The following ZCCHC14 variants were observed in gnomAD, a reference collection of about 807,000 sequenced individuals.
The protein encoded by ZCCHC14 is zinc finger CCHC domain-containing protein 14.
A neutral mutation model predicts 85.0 loss-of-function variants in ZCCHC14; 16 were observed. That is an observed-to-expected ratio of 0.19 (90% confidence interval 0.13 to 0.29). The LOEUF (loss-of-function observed/expected upper bound fraction) is 0.29. Ranked by LOEUF, ZCCHC14 falls within the 10% of genes least tolerant of loss-of-function variation. ZCCHC14 has a pLI of 1.00. For missense variants in ZCCHC14, 1,303 were observed against 1,443.5 expected (o/e 0.90, Z 1.58); for synonymous variants, 775 against 630.7 (o/e 1.23, Z -3.43).
rs1567507616 is a variant in ZCCHC14, at chr16:87,412,311, G to A, written c.2410C>T (p.Pro804Ser). Residue 804 changes from proline to serine, a missense_variant, in exon 12 of 13, where the codon CCT (proline) becomes TCT (serine). Pro to Ser is a moderately conservative substitution (Grantham distance 74). Transcript: ENST00000671377. ...GCAGTCCGGGGGTTTATTATTGCAG[G>A]GGGCACACTTATTTGCACATTATTA... ...CPNNVQISVP[P>S]AIINPRTALY... The A allele has an allele frequency of 3.1e-6, 5 of 1,613,984 alleles. No homozygotes were observed. The highest frequency in any genetic ancestry group is 4.2e-6 in the Non-Finnish European group (5 of 1,180,048).
At chr16:87,460,904 T>C (rs1415552676) in intron 1 of ZCCHC14, among the ~76,000 whole-genome samples, 1 of 152,168 alleles carries the variant, frequency 6.6e-6, no homozygotes, top group Non-Finnish European at 1.5e-5. Context: ...CTATTTGGGG[T>C]ACAGTTTGAA....
rs1017568874 is a variant in ZCCHC14, at chr16:87,406,755, A to G, written c.*3525T>C. The G allele has an allele frequency of 2.0e-5, 3 of 152,152 alleles. No homozygotes were observed. The highest frequency in any genetic ancestry group is 7.2e-5 in the African/African-American group (3 of 41,428). 9.4% of individuals were successfully genotyped at this position (152,152 alleles called of 1,614,324 possible). ...GTTTTCTAGAATATTGCGAGTGTTG[A>G]GTGTTGATTAAAGATGCTTTCATTC... On this transcript the variant is annotated 3_prime_UTR_variant, in exon 13 of 13. Transcript: ENST00000671377.
At chr16:87,428,348 T>C (rs1349370832) in intron 3 of ZCCHC14, among the ~76,000 whole-genome samples, 2 of 152,216 alleles carry the variant, frequency 1.3e-5, no homozygotes, top group South Asian at 4.1e-4. Context: ...TTTCTTTGAA[T>C]CTTGCCATAC....
chr16:87,447,830 A>G lies in ZCCHC14; in HGVS notation c.694+12178T>C, dbSNP rs1480459826. 2.0e-5 allele frequency among the ~76,000 whole-genome samples: 3 copies of G among 152,218 alleles called. No individual in the cohort carries two copies. In the East Asian group the frequency reaches 5.8e-4, roughly 29 times the overall value. ...AATCCTCCCATCAGCTGCGGATGAA[A>G]GCTCCAGCTGCTTCTGATCCTAACA... On this transcript the variant is annotated intron_variant, in intron 2 of 12. Coordinates refer to ENST00000671377, the MANE Select transcript of ZCCHC14 (RefSeq NM_015144.3).
chr16:87,442,157 A>G (rs1415026568), intron 2 of ZCCHC14, among the ~76,000 whole-genome samples: 1 of 152,202 alleles, frequency 6.6e-6, no homozygotes, highest in Non-Finnish European at 1.5e-5. Context: ...CACATGGAAG[A>G]ATCTGAACTG....
chr16:87,462,752 GAA>G (rs545577650), intron 1 of ZCCHC14, among the ~76,000 whole-genome samples: 332 of 119,916 alleles, frequency 2.8e-3, no homozygotes, highest in Middle Eastern at 0.013. Flanking sequence ...AAAAAAAAAA[GAA>G]AAAAGAAAAA....
In ZCCHC14 at chr16:87,491,942, G is replaced by A; in HGVS notation, c.297C>T (p.Arg99=). The A allele has an allele frequency of 6.9e-6, 10 of 1,457,040 alleles. No individual in the cohort carries two copies. Among genetic ancestry groups the A allele is most frequent in the African/African-American group, 1.5e-5 (1 of 67,222 alleles). 90.3% of individuals were successfully genotyped at this position (1,457,040 alleles called of 1,614,324 possible). Residue 99 remains arginine, a synonymous_variant, in exon 1 of 13, where the codon CGC becomes CGT. Coordinates refer to ENST00000671377, the MANE Select transcript of ZCCHC14 (RefSeq NM_015144.3). This position sits in a 1 kb window ranked among gnomAD's most constrained non-coding sequence, Gnocchi z 5.9. ...VSLALLGSEQ[R]EAAGVLYRTL... ...TGCGGTAGAGCACGCCCGCCGCCTC[G>A]CGCTGCTCCGAGCCCAGCAGCGCCA...
chr16:87,457,660 A>C (rs1213702792), intron 2 of ZCCHC14, among the ~76,000 whole-genome samples: 1 of 152,242 alleles, frequency 6.6e-6, no homozygotes, highest in Non-Finnish European at 1.5e-5. Flanking sequence ...ACTTCTGAAG[A>C]AGCAGAGAAA....
In ZCCHC14 at chr16:87,411,929, C is replaced by G. The variant is rs1404493203; in HGVS notation, c.2792G>C (p.Ser931Thr). 2.5e-6 allele frequency: 4 copies of G among 1,605,734 alleles called. No individual in the cohort carries two copies. The African/African-American group carries it at 5.3e-5, about 21-fold the overall frequency. ...GCIVCTSCGC[S>T]GSCGSSGLTV... ...CAGGCCACTCGAGCCGCAGCTGCCG[C>G]TGCAGCCACAGGACGTGCACACAAT... Residue 931 changes from serine (S) to threonine (T), a missense_variant, in exon 12 of 13, where the codon AGC becomes ACC. Around this residue, in one of 7 missense-constraint regions of ZCCHC14, gnomAD observed 797 missense variants for 730.8 expected, o/e 1.09. Coordinates refer to ENST00000671377, the MANE Select transcript of ZCCHC14 (RefSeq NM_015144.3).
At chr16:87,428,812 C>T (rs539118510) in intron 3 of ZCCHC14, among the ~76,000 whole-genome samples, 31 of 152,314 alleles carry the variant, frequency 2.0e-4, no homozygotes, top group African/African-American at 7.0e-4. Flanking sequence ...TGGAAGGAGT[C>T]GTCTAGTTTC....
At chr16:87,444,620 G>C (rs902124702) in intron 2 of ZCCHC14, among the ~76,000 whole-genome samples, 2 of 152,190 alleles carry the variant, frequency 1.3e-5, no homozygotes, top group African/African-American at 4.8e-5. Context: ...GAGCAGCGTA[G>C]CATGTTCCTG....
chr16:87,420,848 C>T lies in ZCCHC14; in HGVS notation c.841-132G>A, dbSNP rs1359551816. ...CTGGTCTGATATGATTTACACCTCC[C>T]GTCAGAGCTATTCTGGGGCCCACAT... On this transcript the variant is annotated intron_variant, in intron 4 of 12. Transcript: ENST00000671377. This position sits in a 1 kb window ranked among gnomAD's most constrained non-coding sequence, Gnocchi z 5.0. 3 of 642,812 alleles carry T rather than the reference C, an allele frequency of 4.7e-6. No individual in the cohort carries two copies. Among genetic ancestry groups the T allele is most frequent in the South Asian group, 4.1e-5 (2 of 48,296 alleles). 39.8% of individuals were successfully genotyped at this position (642,812 alleles called of 1,614,324 possible).
chr16:87,464,392 G>GAT (rs985947068), intron 1 of ZCCHC14, among the ~76,000 whole-genome samples: 1 of 152,204 alleles, frequency 6.6e-6, no homozygotes, highest in Non-Finnish European at 1.5e-5. Context: ...GCTAGGCTAA[G>GAT]AACCAACCAC....
At chr16:87,472,751 C>T (rs528380815) in intron 1 of ZCCHC14, 3 of 152,314 alleles carry the variant, frequency 2.0e-5, no homozygotes, top group African/African-American at 7.2e-5. Context: ...TATTTTTTAT[C>T]TTTGAGATAG....
At chr16:87,478,373 A>T (rs1912117855) in intron 1 of ZCCHC14, among the ~76,000 whole-genome samples, 1 of 152,218 alleles carries the variant, frequency 6.6e-6, no homozygotes, top group Non-Finnish European at 1.5e-5. Context: ...GGTGGAAAAC[A>T]ATAGAAAAAA....
intron 1 of ZCCHC14, chr16:87,471,825 T>C (rs1188708988): frequency 6.6e-6 from 1 of 152,270 alleles, no homozygotes; most frequent in Non-Finnish European, 1.5e-5. Context: ...TCTTAACGGA[T>C]GTATTGACTT....
chr16:87,438,345 C>T (rs1910030589), intron 2 of ZCCHC14, among the ~76,000 whole-genome samples: 1 of 152,246 alleles, frequency 6.6e-6, no homozygotes, highest in Non-Finnish European at 1.5e-5. Flanking sequence ...TATTATGAAA[C>T]TCTGCAGCCA....
Position 87,412,111 on chromosome 16 carries a change from C to A in ZCCHC14, c.2610G>T (p.Pro870=). ...TGCTTTCAGGGACGGAGGACAGCGC[C>A]GGGCTGGAGCTGGGGGCTGGGCAGC... is the stretch of plus-strand genomic sequence containing the variant. The part of the protein sequence containing the change: ...LPSCPAPSSS[P]ALSSVPESSF... The change falls in exon 12 of 13, where the codon CCG becomes CCT. Residue 870 remains proline, a synonymous_variant. Transcript: ENST00000671377. 2 of 1,613,542 alleles carry A rather than the reference C, an allele frequency of 1.2e-6. No individual in the cohort carries two copies. The highest frequency in any genetic ancestry group is 1.7e-6 in the Non-Finnish European group (2 of 1,180,028).
At chr16:87,488,038 T>C (rs772157048) in intron 1 of ZCCHC14, among the ~76,000 whole-genome samples, 2 of 152,186 alleles carry the variant, frequency 1.3e-5, no homozygotes, top group African/African-American at 4.8e-5. Context: ...AAACGTTCAG[T>C]GGCAGTGGTC....
Sources: allele counts gnomAD v4.1 joint callset (sites outside exome capture counted in the v4.1 genomes callset), GRCh38; gene constraint gnomAD v4.1.1; regional missense constraint gnomAD v4.1.1; non-coding constraint Gnocchi (gnomAD v3.1); transcripts MANE v1.5; gene names NCBI Gene and HGNC (gene_info 2026-07-23, HGNC 2026-07-21).